The following GCLM variants were observed in gnomAD, a reference collection of about 807,000 sequenced individuals.
GCLM encodes the protein glutamate--cysteine ligase regulatory subunit.
Under a neutral mutation model 36.0 loss-of-function variants are expected in GCLM, and 15 were observed. That is an observed-to-expected ratio of 0.42 (90% CI 0.28 to 0.64). The LOEUF (loss-of-function observed/expected upper bound fraction) is 0.64, where lower values mean the gene tolerates loss of function less well. Ranked by LOEUF, GCLM falls within the 30% of genes least tolerant of loss-of-function variation. The pLI, the probability that GCLM is intolerant of heterozygous loss-of-function variation, is 0.25. For missense variants in GCLM, 242 were observed against 325.5 expected, an observed-to-expected ratio of 0.74 and a Z score of 1.97; for synonymous variants, 129 against 122.8, an observed-to-expected ratio of 1.05 and a Z score of -0.34.
At chr1:93,906,833 A>G (rs1657161565) in intron 1 of GCLM, among the ~76,000 whole-genome samples, 1 of 152,196 alleles carries the variant, frequency 6.6e-6, no homozygotes, top group Admixed American at 6.5e-5. Flanking sequence ...CTGGAGTTGT[A>G]TAAGAATTTT....
intron 1 of GCLM, among the ~76,000 whole-genome samples, chr1:93,905,256 G>A (rs897502002): frequency 5.9e-5 from 9 of 151,282 alleles, no homozygotes; most frequent in Admixed American, 6.6e-5. Flanking sequence ...AGCCCAGGCT[G>A]TCTGACTAGA....
chr1:93,907,621 T>C (rs1195090678), intron 1 of GCLM, among the ~76,000 whole-genome samples: 1 of 152,184 alleles, frequency 6.6e-6, no homozygotes, highest in Non-Finnish European at 1.5e-5. Context: ...AAATTCTGTA[T>C]TGAACTACCA....
chr1:93,909,191 C>G lies in GCLM; in HGVS notation c.-28G>C. 1 of 1,207,686 alleles carries G rather than the reference C, an allele frequency of 8.3e-7. No homozygotes were observed. Among genetic ancestry groups the G allele is most frequent in the South Asian group, 3.5e-5 (1 of 28,384 alleles). 74.8% of individuals were successfully genotyped at this position (1,207,686 alleles called of 1,614,324 possible). On this transcript the variant is annotated 5_prime_UTR_variant, in exon 1 of 7. Transcript: ENST00000370238. ...CAGCGGCCGCCCAGGGGCCGCGCAG[C>G]GAAGGGGCTGCGGGCGGGCGGGCAG...
intron 2 of GCLM, among the ~76,000 whole-genome samples, chr1:93,903,264 T>C (rs186161468): frequency 4.6e-5 from 7 of 151,904 alleles, no homozygotes; most frequent in Admixed American, 1.3e-4. Flanking sequence ...TATATTTAGT[T>C]TTATAATCAC....
intron 1 of GCLM, among the ~76,000 whole-genome samples, chr1:93,905,173 C>CAA (rs921621833): frequency 0.012 from 853 of 68,242 alleles, 13 homozygotes; most frequent in African/African-American, 0.033. Flanking sequence ...ACTCTATTTC[C>CAA]AAAAAAAAAA....
At chr1:93,900,942 G>A (rs935172070) in intron 3 of GCLM, among the ~76,000 whole-genome samples, 2 of 152,180 alleles carry the variant, frequency 1.3e-5, no homozygotes, top group Non-Finnish European at 2.9e-5. Flanking sequence ...GAGACTCAGG[G>A]AGGTTAAAGT....
chr1:93,886,212 C>A lies in GCLM; in HGVS notation c.*2778G>T. On this transcript the variant is annotated 3_prime_UTR_variant, in exon 7 of 7. Coordinates refer to ENST00000370238, the MANE Select transcript of GCLM (RefSeq NM_002061.4). ...TGGACATGTAATAAACAAGCTACAG[C>A]TTTTTTTTTCATATTTACTGGAAAA... is the stretch of plus-strand genomic sequence containing the variant. 1 of 151,110 alleles carries A rather than the reference C, an allele frequency of 6.6e-6. No individual in the cohort carries two copies. Among genetic ancestry groups the A allele is most frequent in the South Asian group, 2.1e-4 (1 of 4,788 alleles). 9.4% of individuals were successfully genotyped at this position (151,110 alleles called of 1,614,324 possible). A position where few individuals can be genotyped will look rare whatever the true frequency, so the allele number is the denominator to read the frequency against.
intron 2 of GCLM, among the ~76,000 whole-genome samples, chr1:93,904,092 C>T (rs992987597): frequency 6.6e-6 from 1 of 152,152 alleles, no homozygotes; most frequent in African/African-American, 2.4e-5. Context: ...TGAACATTAA[C>T]ATTTATGATA....
At chr1:93,907,098 G>A (rs1421351464) in intron 1 of GCLM, among the ~76,000 whole-genome samples, 1 of 152,176 alleles carries the variant, frequency 6.6e-6, no homozygotes, top group East Asian at 1.9e-4. Flanking sequence ...TTTCTTCAGT[G>A]AAGCGGAACT....
chr1:93,905,473 T>A (rs551676416), intron 1 of GCLM, among the ~76,000 whole-genome samples: 2 of 152,310 alleles, frequency 1.3e-5, no homozygotes, highest in East Asian at 3.9e-4. Flanking sequence ...GAGTACTTTA[T>A]CTACGTACTC....
At chr1:93,893,541 AT>A (rs1181476328) in intron 6 of GCLM, among the ~76,000 whole-genome samples, 1 of 152,174 alleles carries the variant, frequency 6.6e-6, no homozygotes, top group Non-Finnish European at 1.5e-5. Context: ...AAAGCTGAAT[AT>A]TTTTTCGGCG....
At chr1:93,901,430 T>C (rs757039214) in intron 3 of GCLM, among the ~76,000 whole-genome samples, 155 bp downstream of exon 3, 9 of 152,202 alleles carry the variant, frequency 5.9e-5, no homozygotes, top group Non-Finnish European at 1.5e-5. Flanking sequence ...TGACCTCTTA[T>C]AACTCCATCT....
At chr1:93,890,148 G>C (rs1656481395) in intron 6 of GCLM, among the ~76,000 whole-genome samples, 2 of 152,004 alleles carry the variant, frequency 1.3e-5, no homozygotes, top group Non-Finnish European at 2.9e-5. Context: ...GACCTCAGGT[G>C]ATCCACCCAC....
At chr1:93,892,702 A>G (rs1036774693) in intron 6 of GCLM, among the ~76,000 whole-genome samples, 6 of 152,240 alleles carry the variant, frequency 3.9e-5, no homozygotes, top group Non-Finnish European at 8.8e-5. Context: ...ATATTTTGCC[A>G]TAACAATAAT....
chr1:93,897,811 TA>T lies in GCLM; in HGVS notation c.337+27del. Reference sequence around the variant, plus strand: ...CCTATACTAATTTAAAGTCCACTATTAAGATAAAAAATTCAGTTTTTGCTTA... The same window carrying T: ...CCTATACTAATTTAAAGTCCACTATTAGATAAAAAATTCAGTTTTTGCTTA... On this transcript the variant is annotated intron_variant, in intron 4 of 6. Transcript: ENST00000370238. 4 of 1,290,642 alleles carry T rather than the reference TA, an allele frequency of 3.1e-6. No individual in the cohort carries two copies. The South Asian group carries it at 4.2e-5, about 14-fold the overall frequency. The allele number at this position is 1,290,642 out of a possible 1,614,324, so 79.9% of individuals were successfully genotyped here. A position where few individuals can be genotyped will look rare whatever the true frequency, so the allele number is the denominator to read the frequency against.
chr1:93,892,557 T>G (rs1656575152), intron 6 of GCLM, among the ~76,000 whole-genome samples: 1 of 152,174 alleles, frequency 6.6e-6, no homozygotes, highest in Non-Finnish European at 1.5e-5. Context: ...GAAGGTTCAT[T>G]AATGATAAAT....
At chr1:93,905,204 A>G (rs1278690463) in intron 1 of GCLM, among the ~76,000 whole-genome samples, 1 of 151,934 alleles carries the variant, frequency 6.6e-6, no homozygotes, top group Non-Finnish European at 1.5e-5. Context: ...GCATTCATAA[A>G]GAAACAAAAA....
At chr1:93,903,834 T>A (rs1369933074) in intron 2 of GCLM, among the ~76,000 whole-genome samples, 1 of 152,150 alleles carries the variant, frequency 6.6e-6, no homozygotes, top group African/African-American at 2.4e-5. Flanking sequence ...ACAGCACGTA[T>A]CAGGGGTTCA....
rs776920229 is a variant in GCLM at position 93,904,512 on chromosome 1, A to G, written c.192+11T>C. The G allele has an allele frequency of 6.4e-7, 1 of 1,571,088 alleles. No individual in the cohort carries two copies. Among genetic ancestry groups the G allele is most frequent in the South Asian group, 1.1e-5 (1 of 90,002 alleles). ...TGACCTGCATGATTTTTGCATTCAC[A>G]TTTCACTTACCCTGACCAAATCTGG... On this transcript the variant is annotated intron_variant, in intron 2 of 6. Coordinates refer to ENST00000370238, the MANE Select transcript of GCLM (RefSeq NM_002061.4).
Sources: allele counts gnomAD v4.1 joint callset (sites outside exome capture counted in the v4.1 genomes callset), GRCh38; gene constraint gnomAD v4.1.1; transcripts MANE v1.5; gene names NCBI Gene and HGNC (gene_info 2026-07-23, HGNC 2026-07-21).